TRAPPC9: variants seen among roughly 807,000 people sequenced by gnomAD.
TRAPPC9 encodes IKK2 binding protein.
Under a neutral mutation model 124.0 loss-of-function variants are expected in TRAPPC9, and 83 were observed. That is an observed-to-expected ratio of 0.67 (90% CI 0.56 to 0.80). TRAPPC9 has a LOEUF of 0.80. TRAPPC9 is among the 30% of genes least tolerant of loss of function. The pLI, the probability that TRAPPC9 is intolerant of heterozygous loss-of-function variation, is 0.00. For synonymous variants in TRAPPC9, 638 were observed against 617.5 expected, an observed-to-expected ratio of 1.03 and a Z score of -0.49; for missense variants, 1,302 against 1,508.3, an observed-to-expected ratio of 0.86 and a Z score of 2.27.
intron 19 of TRAPPC9, among the ~76,000 whole-genome samples, chr8:139,978,619 G>A (rs1405147934): frequency 6.6e-6 from 1 of 152,178 alleles, no homozygotes; most frequent in East Asian, 1.9e-4. Context: ...ACAAGCACGT[G>A]GGGTCATTAT....
rs955305236 is a variant in TRAPPC9, at chr8:140,104,371, T to C, written c.2557-80292A>G. Among the ~76,000 whole-genome samples, 2 of 152,062 alleles carry C rather than the reference T, an allele frequency of 1.3e-5. No homozygotes were observed. Among genetic ancestry groups the C allele is most frequent in the African/African-American group, 2.4e-5 (1 of 41,402 alleles). On this transcript the variant is annotated intron_variant, in intron 17 of 22. Transcript: ENST00000438773. This position sits in a 1 kb window ranked among gnomAD's most constrained non-coding sequence, Gnocchi z 4.0. ...AAGATGTTCTCGGGAGGGAGAAATATGAGGCAACATGGAATATCATCAGGA... is the reference window on the plus strand; with the variant it reads ...AAGATGTTCTCGGGAGGGAGAAATACGAGGCAACATGGAATATCATCAGGA...
chr8:139,857,850 C>A (rs931086905), intron 21 of TRAPPC9, among the ~76,000 whole-genome samples: 1 of 152,254 alleles, frequency 6.6e-6, no homozygotes, highest in African/African-American at 2.4e-5. Flanking sequence ...AGGGACCCTG[C>A]TGCCTTCAGC....
chr8:140,034,644 C>G (rs533370700), intron 17 of TRAPPC9, among the ~76,000 whole-genome samples: 15 of 152,344 alleles, frequency 9.8e-5, no homozygotes, highest in South Asian at 8.3e-4. Flanking sequence ...CACAACAAAT[C>G]TCAGAGAAAG....
chr8:140,272,506 T>G (rs2064983794), intron 15 of TRAPPC9, among the ~76,000 whole-genome samples: 2 of 149,870 alleles, frequency 1.3e-5, no homozygotes, highest in Non-Finnish European at 2.9e-5. Flanking sequence ...TGCCGGTGGT[T>G]GTGGTGGCAG....
At chr8:139,925,196 G>A (rs1029737713) in intron 19 of TRAPPC9, among the ~76,000 whole-genome samples, 1 of 152,168 alleles carries the variant, frequency 6.6e-6, no homozygotes, top group Non-Finnish European at 1.5e-5. Context: ...CTTTTCCCTC[G>A]ACCTTTCCTC....
chr8:139,950,329 C>T (rs1245652444), intron 19 of TRAPPC9, among the ~76,000 whole-genome samples: 2 of 152,224 alleles, frequency 1.3e-5, no homozygotes, highest in African/African-American at 4.8e-5. Context: ...CGCTTGCCTA[C>T]GAAATGGAAG....
At chr8:140,228,315 G>A (rs2063502292) in intron 16 of TRAPPC9, among the ~76,000 whole-genome samples, 1 of 152,158 alleles carries the variant, frequency 6.6e-6, no homozygotes, top group Non-Finnish European at 1.5e-5. Flanking sequence ...TTCTCATTTA[G>A]TCATAAAATC....
rs562099615 is a variant in TRAPPC9 at position 139,788,169 on chromosome 8, C to T, written c.3056-55967G>A. Among the ~76,000 whole-genome samples the T allele has an allele frequency of 9.2e-5, 14 of 152,296 alleles. No individual in the cohort carries two copies. In the South Asian group the frequency reaches 2.9e-3, roughly 32 times the overall value. ...ACCCTAAGTCCCACAGGACCGCCTC[C>T]CAGATCAAAAACCCACATGCCCCTC... On this transcript the variant is annotated intron_variant, in intron 21 of 22. Transcript: ENST00000438773. This position sits in a 1 kb window ranked among gnomAD's most constrained non-coding sequence, Gnocchi z 4.9.
chr8:140,448,639 C>A (rs995006383), intron 2 of TRAPPC9, among the ~76,000 whole-genome samples: 1 of 152,238 alleles, frequency 6.6e-6, no homozygotes, highest in Non-Finnish European at 1.5e-5. Context: ...CCCCTCACCC[C>A]TTCTCTGTAA....
At chr8:140,189,836 C>G (rs572947826) in intron 17 of TRAPPC9, among the ~76,000 whole-genome samples, 1 of 152,264 alleles carries the variant, frequency 6.6e-6, no homozygotes, top group African/African-American at 2.4e-5. Context: ...ATGGTCTTAT[C>G]TTCCCCTCCT....
intron 21 of TRAPPC9, among the ~76,000 whole-genome samples, chr8:139,772,545 T>C (rs533518910): frequency 1.3e-5 from 2 of 152,294 alleles, no homozygotes; most frequent in African/African-American, 4.8e-5. Context: ...GGGGTGCACA[T>C]GGCCACCCCC....
Position 140,022,500 on chromosome 8 carries a change from C to T in TRAPPC9, c.2699+1437G>A, listed in dbSNP as rs144506944. Reference sequence around the variant, plus strand: ...TCTCATCTTCAACTGTCATTTAGAACTGCAGGGGTCATGACGTGAAAACCA... The same window carrying T: ...TCTCATCTTCAACTGTCATTTAGAATTGCAGGGGTCATGACGTGAAAACCA... On this transcript the variant is annotated intron_variant, in intron 18 of 22. Transcript: ENST00000438773. Among the ~76,000 whole-genome samples the T allele has an allele frequency of 7.2e-5, 11 of 152,242 alleles. No individual in the cohort carries two copies. The East Asian group carries it at 1.9e-3, about 27-fold the overall frequency.
chr8:140,270,761 T>C (rs1176069892), intron 15 of TRAPPC9, among the ~76,000 whole-genome samples: 1 of 152,092 alleles, frequency 6.6e-6, no homozygotes, highest in Non-Finnish European at 1.5e-5. Context: ...AAAGGGTGTG[T>C]CTATGGCAGA....
At chr8:140,350,912 G>GT (rs1413122470) in intron 9 of TRAPPC9, among the ~76,000 whole-genome samples, 1 of 152,038 alleles carries the variant, frequency 6.6e-6, no homozygotes, top group Non-Finnish European at 1.5e-5. Context: ...AACAGTAACT[G>GT]TGAGGGGTGT....
At chr8:140,246,406 C>G (rs549063459) in intron 16 of TRAPPC9, among the ~76,000 whole-genome samples, 16 of 152,328 alleles carry the variant, frequency 1.1e-4, no homozygotes, top group Admixed American at 1.0e-3. Flanking sequence ...TTTCTAGACT[C>G]GGACACTGTA....
At chr8:140,354,069 G>T (rs1332600238) in intron 9 of TRAPPC9, among the ~76,000 whole-genome samples, 1 of 152,236 alleles carries the variant, frequency 6.6e-6, no homozygotes, top group Admixed American at 6.5e-5. Context: ...CAATGCTGTT[G>T]TATTTGGAGA....
intron 16 of TRAPPC9, among the ~76,000 whole-genome samples, chr8:140,226,453 G>A (rs1386008456): frequency 2.0e-5 from 3 of 151,914 alleles, no homozygotes; most frequent in Non-Finnish European, 2.9e-5. Flanking sequence ...ACAGCTGGGC[G>A]TGGTGGTGCA....
chr8:139,820,084 C>A (rs139316482), intron 21 of TRAPPC9, among the ~76,000 whole-genome samples: 2 of 147,976 alleles, frequency 1.4e-5, no homozygotes, highest in East Asian at 2.0e-4. Flanking sequence ...AAAGAAGTTA[C>A]AAGTATGCTG....
rs576733532 is a variant in TRAPPC9, at chr8:140,407,717, A to G, written c.887-2019T>C. Among the ~76,000 whole-genome samples, 5 of 152,146 alleles carry G rather than the reference A, an allele frequency of 3.3e-5. No individual in the cohort carries two copies. In the South Asian group the frequency reaches 1.0e-3, roughly 32 times the overall value. ...TCGCTACAACCCCCCTCCTCGCTAC[A>G]ATCAAGTGATTCTCCTGCCTCAGCC... On this transcript the variant is annotated intron_variant, in intron 5 of 22. Coordinates refer to ENST00000438773, the MANE Select transcript of TRAPPC9 (RefSeq NM_001160372.4).
Sources: allele counts gnomAD v4.1 joint callset (sites outside exome capture counted in the v4.1 genomes callset), GRCh38; gene constraint gnomAD v4.1.1; non-coding constraint Gnocchi (gnomAD v3.1); transcripts MANE v1.5; gene names NCBI Gene and HGNC (gene_info 2026-07-23, HGNC 2026-07-21).